PRIM2: variants seen among roughly 807,000 people sequenced by gnomAD.
PRIM2 encodes DNA primase subunit 2.
PRIM2 carries 39 observed loss-of-function variants against 67.3 expected under a neutral mutation model. The observed-to-expected ratio is 0.58, with a 90% CI of 0.45 to 0.76. The LOEUF (loss-of-function observed/expected upper bound fraction) is 0.76. PRIM2 is among the 30% of genes least tolerant of loss of function. PRIM2 has a pLI of 0.00. For missense variants in PRIM2, 398 were observed against 598.7 expected (o/e 0.66, Z 3.50); for synonymous variants, 143 against 198.7 (o/e 0.72, Z 2.36).
intron 10 of PRIM2, among the ~76,000 whole-genome samples, chr6:57,589,715 G>A (rs1440140673): frequency 2.0e-5 from 3 of 152,184 alleles, no homozygotes; most frequent in Non-Finnish European, 4.4e-5. Flanking sequence ...CACCATAGCC[G>A]AAGAGAGTTT....
intron 5 of PRIM2, among the ~76,000 whole-genome samples, chr6:57,331,915 C>A (rs1206579391): frequency 6.6e-6 from 1 of 151,336 alleles, no homozygotes; most frequent in African/African-American, 2.4e-5. Context: ...TTACTACAGT[C>A]TTTAGTATTT....
chr6:57,274,354 C>A, the PRIM2 span, among the ~76,000 whole-genome samples: 1 of 152,206 alleles, frequency 6.6e-6, no homozygotes, highest in South Asian at 2.1e-4. Context: ...AGCCTCCCTG[C>A]GGCCTTGCAG....
chr6:57,304,352 C>T, the PRIM2 span, among the ~76,000 whole-genome samples: 1 of 151,968 alleles, frequency 6.6e-6, no homozygotes, highest in Non-Finnish European at 1.5e-5. Flanking sequence ...TTTACAAGTG[C>T]CAATACTGTA....
At chr6:57,410,554 A>G (rs1321629607) in intron 7 of PRIM2, among the ~76,000 whole-genome samples, 1 of 151,932 alleles carries the variant, frequency 6.6e-6, no homozygotes, top group Non-Finnish European at 1.5e-5. Context: ...CAGTGTTTCA[A>G]TTTTGATCTT....
intron 7 of PRIM2, among the ~76,000 whole-genome samples, chr6:57,433,616 A>G (rs1771905668): frequency 6.6e-6 from 1 of 152,296 alleles, no homozygotes; most frequent in South Asian, 2.1e-4. Flanking sequence ...CTGCAGTTAC[A>G]TTATAACCTT....
intron 5 of PRIM2, among the ~76,000 whole-genome samples, chr6:57,326,626 C>A (rs1480273664): frequency 2.6e-5 from 4 of 151,740 alleles, no homozygotes; most frequent in African/African-American, 9.7e-5. Context: ...GAGGCTAAGG[C>A]ATGAAAATTG....
intron 7 of PRIM2, among the ~76,000 whole-genome samples, chr6:57,464,567 G>A (rs56225451): frequency 1.3e-5 from 2 of 151,938 alleles, no homozygotes; most frequent in East Asian, 3.9e-4. Flanking sequence ...GAGCCACCAC[G>A]CCCGGCCTCC....
chr6:57,557,981 A>G (rs1775549060), intron 10 of PRIM2, among the ~76,000 whole-genome samples: 1 of 152,218 alleles, frequency 6.6e-6, no homozygotes, highest in Non-Finnish European at 1.5e-5. Flanking sequence ...ATAAATAGAC[A>G]TTAGTCTCCT....
chr6:57,611,348 A>G (rs1452075032), intron 12 of PRIM2, among the ~76,000 whole-genome samples: 2 of 152,226 alleles, frequency 1.3e-5, no homozygotes, highest in Admixed American at 1.3e-4. Flanking sequence ...AACAAAGTGG[A>G]GACACATGTT....
At chr6:57,558,017 A>T (rs1775550218) in intron 10 of PRIM2, among the ~76,000 whole-genome samples, 1 of 152,176 alleles carries the variant, frequency 6.6e-6, no homozygotes, top group African/African-American at 2.4e-5. Flanking sequence ...TTGTTTTGGA[A>T]GGCACTGTGG....
intron 6 of PRIM2, 67 bp from the exon 7 acceptor site, chr6:57,381,964 A>T (rs1042836654): frequency 6.7e-7 from 1 of 1,485,592 alleles, no homozygotes; most frequent in Admixed American, 2.1e-5. Flanking sequence ...TACTTTATAC[A>T]TATGAAGACT....
intron 5 of PRIM2, among the ~76,000 whole-genome samples, chr6:57,365,717 T>C (rs1466353122): frequency 6.6e-6 from 1 of 152,122 alleles, no homozygotes; most frequent in Non-Finnish European, 1.5e-5. Flanking sequence ...CCCAGCACTT[T>C]GGGAGGCCAA....
the PRIM2 span, chr6:57,221,743 G>A: frequency 6.6e-6 from 1 of 152,314 alleles, no homozygotes. Flanking sequence ...AGCTGGGAGG[G>A]GGCGCCGGGC....
At chr6:57,262,306 C>T in the PRIM2 span, among the ~76,000 whole-genome samples, 3 of 152,118 alleles carry the variant, frequency 2.0e-5, no homozygotes, top group Non-Finnish European at 2.9e-5. Context: ...TGTTCCAGGC[C>T]TCATCTGCCA....
At chr6:57,366,348 A>G (rs1398970888) in intron 5 of PRIM2, among the ~76,000 whole-genome samples, 2 of 152,154 alleles carry the variant, frequency 1.3e-5, no homozygotes, top group African/African-American at 4.8e-5. Flanking sequence ...TTGAAACTAG[A>G]AAGAGTTTAA....
intron 7 of PRIM2, among the ~76,000 whole-genome samples, chr6:57,424,741 T>C (rs1247606882): frequency 4.6e-5 from 7 of 152,212 alleles, no homozygotes; most frequent in African/African-American, 1.7e-4. Context: ...GAAATTAGAA[T>C]GTGCATTTTT....
intron 11 of PRIM2, among the ~76,000 whole-genome samples, chr6:57,606,060 C>T (rs1294660449): frequency 3.9e-5 from 6 of 152,002 alleles, no homozygotes; most frequent in Non-Finnish European, 7.4e-5. Context: ...AACTATTATG[C>T]GGCTATTTTG....
chr6:57,370,044 A>T (rs534983341), intron 5 of PRIM2, among the ~76,000 whole-genome samples: 1 of 152,308 alleles, frequency 6.6e-6, no homozygotes, highest in African/African-American at 2.4e-5. Context: ...TTTATCCCTG[A>T]AGAAACTAAG....
the PRIM2 span, among the ~76,000 whole-genome samples, chr6:57,296,605 GGGT>G: frequency 9.2e-5 from 14 of 151,720 alleles, 1 homozygote; most frequent in Admixed American, 3.9e-4. Flanking sequence ...TGGTGGTAGT[GGGT>G]GGTGGTGGTG....
Sources: allele counts gnomAD v4.1 joint callset (sites outside exome capture counted in the v4.1 genomes callset), GRCh38; gene constraint gnomAD v4.1.1; transcripts MANE v1.5; gene names NCBI Gene and HGNC (gene_info 2026-07-23, HGNC 2026-07-21).